DSE: variants seen among roughly 807,000 people sequenced by gnomAD.
The protein encoded by DSE is dermatan-sulfate epimerase.
In DSE, 36 loss-of-function variants were observed where a neutral mutation model predicts 84.4. The observed-to-expected ratio is 0.43, with a 90% confidence interval of 0.33 to 0.56. DSE has a LOEUF of 0.56. DSE is among the 20% of genes least tolerant of loss of function. The probability of loss-of-function intolerance (pLI) is 0.06; values close to 1 mark genes in which losing one functional copy is unlikely to be tolerated. For missense variants in DSE, 862 were observed against 1,169.6 expected (o/e 0.74, Z 3.84); for synonymous variants, 410 against 430.1 (o/e 0.95, Z 0.58).
In DSE at chr6:116,279,607, G is replaced by A. The variant is rs745570721; in HGVS notation, c.-54+20640G>A. 5.6e-6 allele frequency: 9 copies of A among 1,602,172 alleles called. No homozygotes were observed. The Admixed American group carries it at 1.2e-4, about 21-fold the overall frequency. The stretch of plus-strand genomic sequence containing the variant: ...GATCTGGGGAGTACCGCCACGGCCC[G>A]CGGCATCCTGGGGTACGCCCCCCTC... On this transcript the variant is annotated intron_variant, in intron 2 of 3. Transcript: ENST00000430252.
intron 2 of DSE, among the ~76,000 whole-genome samples, chr6:116,259,668 A>T (rs1772320050): frequency 6.6e-6 from 1 of 152,132 alleles, no homozygotes; most frequent in African/African-American, 2.4e-5. Context: ...CCATCCTTAG[A>T]TAAACCCCAG....
chr6:116,346,402 A>G (rs1381286221), intron 2 of DSE, among the ~76,000 whole-genome samples: 1 of 152,232 alleles, frequency 6.6e-6, no homozygotes, highest in Non-Finnish European at 1.5e-5. Flanking sequence ...CCAGCAGCAC[A>G]TCAAAAAGCT....
rs557518906 is a variant in DSE at position 116,434,809 on chromosome 6, A to C, written c.1119-778A>C. On this transcript the variant is annotated intron_variant, in intron 5 of 5. Coordinates refer to ENST00000644252, the MANE Select transcript of DSE (RefSeq NM_013352.4). The stretch of plus-strand genomic sequence containing the variant: ...GAAACAGTCAATATCAAACACCAAT[A>C]AGATTAACTCTAGGTGATTGATTTA... 9.8e-5 allele frequency among the ~76,000 whole-genome samples: 15 copies of C among 152,328 alleles called. No individual in the cohort carries two copies. The East Asian group carries it at 1.3e-3, about 14-fold the overall frequency.
intron 2 of DSE, among the ~76,000 whole-genome samples, chr6:116,321,233 G>C (rs1236112283): frequency 3.9e-4 from 1 of 2,566 alleles, no homozygotes; most frequent in African/African-American, 2.1e-3. Context: ...GAGTGCAGTT[G>C]TGTAAGCATA....
chr6:116,431,809 A>G (rs553937345), intron 4 of DSE, among the ~76,000 whole-genome samples: 25 of 152,290 alleles, frequency 1.6e-4, no homozygotes, highest in Non-Finnish European at 2.6e-4. Context: ...ATGATTTAAT[A>G]ATGTATTCAT....
intron 2 of DSE, among the ~76,000 whole-genome samples, chr6:116,338,248 G>GTTTTTTT (rs1777386362): frequency 8.5e-6 from 1 of 117,474 alleles, no homozygotes. Context: ...TTTTGACGGA[G>GTTTTTTT]GTTTGCTCTT....
intron 2 of DSE, among the ~76,000 whole-genome samples, chr6:116,329,059 A>G (rs934496022): frequency 2.0e-5 from 3 of 152,248 alleles, no homozygotes; most frequent in African/African-American, 7.2e-5. Context: ...TTGTTGGTCT[A>G]AGTTCTAAAC....
chr6:116,417,009 T>A (rs1487556220), intron 2 of DSE, among the ~76,000 whole-genome samples: 1 of 152,334 alleles, frequency 6.6e-6, no homozygotes, highest in East Asian at 1.9e-4. Context: ...CTTTCCAGGT[T>A]TTAAAATTTC....
intron 2 of DSE, chr6:116,412,948 A>G (rs1379293818): frequency 6.7e-6 from 1 of 150,306 alleles, no homozygotes; most frequent in Non-Finnish European, 1.5e-5. Flanking sequence ...AACATGCGGT[A>G]TTGTGGTATT....
At chr6:116,254,467 T>A (rs1772060873) in intron 1 of DSE, 2 of 330,552 alleles carry the variant, frequency 6.1e-6, no homozygotes, top group African/African-American at 4.4e-5. Context: ...CCTTCCTTCT[T>A]TTAAGGTGTG....
Position 116,426,808 on chromosome 6 carries a change from C to T in DSE, c.651C>T (p.Ser217=), listed in dbSNP as rs1441172984. 2 of 1,612,642 alleles carry T rather than the reference C, an allele frequency of 1.2e-6. No homozygotes were observed. Among genetic ancestry groups the T allele is most frequent in the South Asian group, 2.2e-5 (2 of 91,052 alleles). The part of the protein sequence containing the change: ...PTNCMALLTG[S]LVLMNQGYLQ... The stretch of plus-strand genomic sequence containing the variant: ...ACTGTATGGCTTTGCTCACGGGAAG[C>T]CTAGTCCTGATGAATCAAGGTGGGT... The change falls in exon 3 of 6, where the codon AGC becomes AGT. Residue 217 remains serine (S), a synonymous_variant. Coordinates refer to ENST00000644252, the MANE Select transcript of DSE (RefSeq NM_013352.4).
intron 2 of DSE, among the ~76,000 whole-genome samples, chr6:116,346,346 T>A (rs921774716): frequency 3.3e-5 from 5 of 152,166 alleles, no homozygotes; most frequent in African/African-American, 1.2e-4. Context: ...ATATCCCTGA[T>A]GAACATCGAT....
At chr6:116,278,969 G>C (rs766732991) in intron 2 of DSE, 32 of 1,613,968 alleles carry the variant, frequency 2.0e-5, no homozygotes, top group Non-Finnish European at 2.6e-5. Flanking sequence ...GCGGACAACT[G>C]GGGGTGGTTT....
intron 1 of DSE, among the ~76,000 whole-genome samples, chr6:116,384,460 C>T (rs766872442): frequency 1.5e-4 from 23 of 152,178 alleles, no homozygotes; most frequent in Admixed American, 2.6e-4. Context: ...CTAGACCTAG[C>T]AGCCTGAGGT....
In DSE at chr6:116,431,127, A is replaced by G. The variant is rs34994230; in HGVS notation, c.844A>G (p.Ile282Val). 58,680 of 1,614,160 alleles carry G rather than the reference A, an allele frequency of 0.036. 1,293 individuals carry two copies. The highest frequency in any genetic ancestry group is 0.043 in the Middle Eastern group (258 of 6,062). ...GTTTCTCGTCCAGAGGCACTTCAAC[A>G]TCAACCACTTTGGCCATCCGTGGCT... is the stretch of plus-strand genomic sequence containing the variant. Reference protein sequence around the residue: ...YMFLVQRHFNINHFGHPWLKQ... With the variant: ...YMFLVQRHFNVNHFGHPWLKQ... Residue 282 changes from isoleucine to valine, a missense_variant, in exon 4 of 6, where the codon ATC (isoleucine) becomes GTC (valine). This residue lies in a region of DSE where 309 missense variants were observed against 516.9 expected (regional missense o/e 0.60). Transcript: ENST00000644252.
At chr6:116,313,495 G>A (rs987982462) in intron 2 of DSE, among the ~76,000 whole-genome samples, 9 of 152,176 alleles carry the variant, frequency 5.9e-5, no homozygotes, top group Non-Finnish European at 4.4e-5. Flanking sequence ...TGTTGATTTA[G>A]TAATAATGAT....
intron 2 of DSE, among the ~76,000 whole-genome samples, chr6:116,347,336 A>C (rs1778038803): frequency 6.6e-6 from 1 of 152,202 alleles, no homozygotes; most frequent in South Asian, 2.1e-4. Flanking sequence ...AAAAAGAACA[A>C]AGCTGGAGGC....
intron 2 of DSE, among the ~76,000 whole-genome samples, chr6:116,264,875 G>T (rs1170689962): frequency 1.3e-5 from 2 of 152,188 alleles, no homozygotes. Context: ...ACTTCAAGCT[G>T]TAATTCTGGG....
At chr6:116,344,466 T>C (rs1777821700) in intron 2 of DSE, among the ~76,000 whole-genome samples, 1 of 152,182 alleles carries the variant, frequency 6.6e-6, no homozygotes, top group Non-Finnish European at 1.5e-5. Flanking sequence ...CAGAAGACAG[T>C]GGGGGCCAAT....
Sources: allele counts gnomAD v4.1 joint callset (sites outside exome capture counted in the v4.1 genomes callset), GRCh38; gene constraint gnomAD v4.1.1; regional missense constraint gnomAD v4.1.1; transcripts MANE v1.5; gene names NCBI Gene and HGNC (gene_info 2026-07-23, HGNC 2026-07-21).